GRID2: variants seen among roughly 807,000 people sequenced by gnomAD.
GRID2 encodes the protein glutamate ionotropic receptor delta type subunit 2, also known as glutamate receptor ionotropic, delta-2.
A neutral mutation model predicts 114.8 loss-of-function variants in GRID2; 33 were observed. That is an observed-to-expected ratio of 0.29 (90% CI 0.22 to 0.38). The LOEUF is 0.38. Among genes scored for constraint, GRID2 ranks in the 10% least tolerant of loss-of-function variants. The probability of loss-of-function intolerance (pLI) is 1.00; values close to 1 mark genes in which losing one functional copy is unlikely to be tolerated. For missense variants in GRID2, 1,184 were observed against 1,257.7 expected (o/e 0.94, Z 0.89); for synonymous variants, 505 against 449.9 (o/e 1.12, Z -1.55).
At chr4:93,564,610 G>T (rs1735239024) in intron 13 of GRID2, among the ~76,000 whole-genome samples, 2 of 152,120 alleles carry the variant, frequency 1.3e-5, no homozygotes, top group Non-Finnish European at 2.9e-5. Context: ...AGAATAATGA[G>T]TGTACATTTT....
intron 10 of GRID2, among the ~76,000 whole-genome samples, chr4:93,426,737 T>G (rs559360114): frequency 6.6e-6 from 1 of 152,074 alleles, no homozygotes; most frequent in Admixed American, 6.6e-5. Flanking sequence ...TATTTGCATG[T>G]AAGAGCATGT....
At chr4:92,637,428 G>C (rs1731124516) in intron 2 of GRID2, among the ~76,000 whole-genome samples, 1 of 151,984 alleles carries the variant, frequency 6.6e-6, no homozygotes, top group Admixed American at 6.6e-5. Flanking sequence ...ACAATGCTTG[G>C]TCTTCTTCTA....
chr4:93,151,034 C>G (rs553930666), intron 4 of GRID2, among the ~76,000 whole-genome samples: 4 of 141,364 alleles, frequency 2.8e-5, no homozygotes, highest in African/African-American at 1.1e-4. Flanking sequence ...GAGGCTGAGG[C>G]GGGAGAATGG....
intron 1 of GRID2, among the ~76,000 whole-genome samples, chr4:92,441,727 A>G (rs1733098443): frequency 1.3e-5 from 2 of 152,008 alleles, no homozygotes; most frequent in African/African-American, 2.4e-5. Flanking sequence ...TGAGTGGGGT[A>G]AGGGTGATTA....
intron 13 of GRID2, among the ~76,000 whole-genome samples, chr4:93,594,322 G>T (rs1486297620): frequency 2.6e-5 from 4 of 152,176 alleles, no homozygotes; most frequent in Non-Finnish European, 5.9e-5. Context: ...AGTGTGAGGT[G>T]TCAGTGTGCC....
At chr4:92,951,287 T>C (rs986508381) in intron 2 of GRID2, among the ~76,000 whole-genome samples, 1 of 151,960 alleles carries the variant, frequency 6.6e-6, no homozygotes, top group African/African-American at 2.4e-5. Flanking sequence ...AACAATAGAT[T>C]TTATGTTGTT....
At chr4:92,717,042 G>T (rs575547120) in intron 2 of GRID2, among the ~76,000 whole-genome samples, 1 of 152,228 alleles carries the variant, frequency 6.6e-6, no homozygotes, top group African/African-American at 2.4e-5. Context: ...CTGCCCCATT[G>T]CAGCATTGGT....
At chr4:93,423,743 C>T (rs1768568379) in intron 10 of GRID2, among the ~76,000 whole-genome samples, 2 of 151,974 alleles carry the variant, frequency 1.3e-5, no homozygotes, top group South Asian at 4.1e-4. Flanking sequence ...CTTCTTTAGT[C>T]CTGTCAGAAT....
chr4:93,051,328 G>A (rs560270378), intron 2 of GRID2, among the ~76,000 whole-genome samples: 13 of 152,114 alleles, frequency 8.5e-5, no homozygotes, highest in African/African-American at 3.1e-4. Flanking sequence ...TTAAGTTTGG[G>A]ACATATGGAC....
At chr4:93,198,710 A>G (rs970812578) in intron 4 of GRID2, among the ~76,000 whole-genome samples, 1 of 152,130 alleles carries the variant, frequency 6.6e-6, no homozygotes, top group African/African-American at 2.4e-5. Flanking sequence ...GAGTTATGAG[A>G]AACACTTTGT....
intron 2 of GRID2, among the ~76,000 whole-genome samples, chr4:92,947,691 A>G (rs890194420): frequency 6.6e-6 from 1 of 151,754 alleles, no homozygotes; most frequent in Non-Finnish European, 1.5e-5. Flanking sequence ...TCAGAGGTGT[A>G]TATGGGTTGT....
At chr4:92,818,860 A>G (rs1200364870) in intron 2 of GRID2, among the ~76,000 whole-genome samples, 5 of 152,148 alleles carry the variant, frequency 3.3e-5, no homozygotes, top group African/African-American at 1.2e-4. Flanking sequence ...CATGAATAAT[A>G]TCTTGAAGCC....
chr4:93,717,562 G>C (rs930466415), intron 14 of GRID2, among the ~76,000 whole-genome samples: 1 of 151,882 alleles, frequency 6.6e-6, no homozygotes, highest in Non-Finnish European at 1.5e-5. Context: ...AACTTGCATG[G>C]AAAAAAAGCC....
intron 4 of GRID2, among the ~76,000 whole-genome samples, chr4:93,178,524 T>G (rs1739581444): frequency 6.7e-6 from 1 of 149,552 alleles, no homozygotes; most frequent in Non-Finnish European, 1.5e-5. Context: ...GCCTCCTGAC[T>G]AGCTGGAACT....
At chr4:93,323,479 G>A (rs192113974) in intron 8 of GRID2, among the ~76,000 whole-genome samples, 3 of 152,236 alleles carry the variant, frequency 2.0e-5, no homozygotes, top group East Asian at 3.9e-4. Flanking sequence ...GTCAGGTAGT[G>A]TGATGCCTCC....
chr4:92,839,746 A>G (rs1040320749), intron 2 of GRID2, among the ~76,000 whole-genome samples: 1 of 152,040 alleles, frequency 6.6e-6, no homozygotes, highest in South Asian at 2.1e-4. Context: ...AATCTAGTCT[A>G]TTCTTTGAGA....
intron 2 of GRID2, among the ~76,000 whole-genome samples, chr4:92,599,417 A>C (rs965611397): frequency 6.6e-6 from 1 of 152,210 alleles, no homozygotes; most frequent in African/African-American, 2.4e-5. Context: ...AAGATGGATC[A>C]TCTCTGGCAA....
At chr4:93,113,801 G>C (rs1203305334) in intron 4 of GRID2, among the ~76,000 whole-genome samples, 3 of 152,156 alleles carry the variant, frequency 2.0e-5, no homozygotes, top group Non-Finnish European at 4.4e-5. Context: ...GGTGCTTCTT[G>C]AGTTGAGCGT....
chr4:93,785,673 C>A (rs1044810175), intron 1 of GRID2, among the ~76,000 whole-genome samples: 2 of 152,130 alleles, frequency 1.3e-5, no homozygotes, highest in Non-Finnish European at 2.9e-5. Context: ...CCATTGAAGA[C>A]TTTAAAGCGG....
Sources: allele counts gnomAD v4.1 joint callset (sites outside exome capture counted in the v4.1 genomes callset), GRCh38; gene constraint gnomAD v4.1.1; transcripts MANE v1.5; gene names NCBI Gene and HGNC (gene_info 2026-07-23, HGNC 2026-07-21).